Variants in GRM4 observed in about 807,000 individuals in gnomAD.
The protein encoded by GRM4 is glutamate metabotropic receptor 4, also known as metabotropic glutamate receptor 4.
In GRM4, 28 loss-of-function variants were observed where a neutral mutation model predicts 81.7. That is an observed-to-expected ratio of 0.34 (90% confidence interval 0.25 to 0.47). The LOEUF (loss-of-function observed/expected upper bound fraction) is 0.47, where lower values mean the gene tolerates loss of function less well. Ranked by LOEUF, GRM4 falls within the 20% of genes least tolerant of loss-of-function variation. The pLI is 1.00. For synonymous variants in GRM4, 488 were observed against 528.8 expected, an observed-to-expected ratio of 0.92 and a Z score of 1.06; for missense variants, 948 against 1,290.0, an observed-to-expected ratio of 0.73 and a Z score of 4.06.
chr6:34,055,987 G>A (rs73747255), intron 6 of GRM4: 1 of 152,302 alleles, frequency 6.6e-6, no homozygotes, highest in Non-Finnish European at 1.5e-5. Context: ...TGTCTGTTTT[G>A]TTTCTTCTGC....
chr6:34,098,004 C>G (rs187531363), intron 2 of GRM4, among the ~76,000 whole-genome samples: 10 of 152,324 alleles, frequency 6.6e-5, no homozygotes, highest in Admixed American at 6.5e-4. Context: ...TGTCCAGCAC[C>G]CATCGGAGCC....
chr6:34,033,218 C>A (rs1201239500), intron 9 of GRM4, among the ~76,000 whole-genome samples: 1 of 152,214 alleles, frequency 6.6e-6, no homozygotes, highest in South Asian at 2.1e-4. Context: ...CCTGCTGAAG[C>A]AGACCCAGTC....
At chr6:34,023,606 C>T (rs559259453) in intron 10 of GRM4, among the ~76,000 whole-genome samples, 17 of 152,132 alleles carry the variant, frequency 1.1e-4, no homozygotes, top group Non-Finnish European at 2.1e-4. Flanking sequence ...GTCTTGAGCC[C>T]CCCTTTTCTG....
chr6:34,057,507 GA>G (rs757141795), intron 5 of GRM4, among the ~76,000 whole-genome samples: 4 of 152,202 alleles, frequency 2.6e-5, no homozygotes, highest in Non-Finnish European at 5.9e-5. Flanking sequence ...CTCTGGGCGG[GA>G]TAATTCCTGT....
chr6:34,028,002 C>T, intron 10 of GRM4, 118 bp downstream of exon 10: 5 of 1,183,842 alleles, frequency 4.2e-6, no homozygotes, highest in Non-Finnish European at 5.8e-6. Flanking sequence ...CCCCCGCCGC[C>T]TCCCCAGGAT....
intron 5 of GRM4, among the ~76,000 whole-genome samples, chr6:34,058,028 G>A (rs559047599): frequency 2.6e-5 from 4 of 152,176 alleles, no homozygotes; most frequent in African/African-American, 9.7e-5. Context: ...AGCCAGGAAG[G>A]CATGAGTCTG....
chr6:34,072,934 TCAC>T (rs1767041133), intron 3 of GRM4, among the ~76,000 whole-genome samples: 1 of 58,480 alleles, frequency 1.7e-5, no homozygotes, highest in Admixed American at 2.1e-4. Flanking sequence ...ATACACACAA[TCAC>T]CACACAGATA....
intron 2 of GRM4, among the ~76,000 whole-genome samples, chr6:34,094,347 A>T (rs74315608): frequency 1.5e-4 from 23 of 152,162 alleles, no homozygotes; most frequent in African/African-American, 5.5e-4. Flanking sequence ...AGCAAACCAC[A>T]CTCGACTATA....
rs1335774627 is a variant in GRM4 at position 34,059,386 on chromosome 6, C to G, written c.873-258G>C. ...CCTGCTGCAGGCCCAGCGTGATTCT[C>G]CAGGCCTACATCTGTCCCTGCAAAG... On this transcript the variant is annotated intron_variant, in intron 4 of 10. Transcript: ENST00000538487. This position sits in a 1 kb window ranked among gnomAD's most constrained non-coding sequence, Gnocchi z 5.7. 1.9e-5 allele frequency: 10 copies of G among 533,938 alleles called. No individual in the cohort carries two copies. The highest frequency in any genetic ancestry group is 3.4e-5 in the Non-Finnish European group (10 of 293,926). 33.1% of individuals were successfully genotyped at this position (533,938 alleles called of 1,614,324 possible). A position where few individuals can be genotyped will look rare whatever the true frequency, so the allele number is the denominator to read the frequency against.
In GRM4 at chr6:34,078,011, T is replaced by C. The variant is rs1767404745; in HGVS notation, c.736+13872A>G. Among the ~76,000 whole-genome samples, 1 of 152,176 alleles carries C rather than the reference T, an allele frequency of 6.6e-6. No individual in the cohort carries two copies. Among genetic ancestry groups the C allele is most frequent in the South Asian group, 2.1e-4 (1 of 4,828 alleles). ...GCACAGAGCAGTCACTGTCACTGAC[T>C]CAGCAACCTCCAGTGCCAGGAGCTG... On this transcript the variant is annotated intron_variant, in intron 3 of 10. Coordinates refer to ENST00000538487, the MANE Select transcript of GRM4 (RefSeq NM_000841.4). The surrounding 1 kb of genome is among the most constrained non-coding windows in gnomAD (Gnocchi z 4.8).
At chr6:34,147,445 G>C (rs537654248), upstream of GRM4, among the ~76,000 whole-genome samples, 2 of 152,338 alleles carry the variant, frequency 1.3e-5, no homozygotes, top group South Asian at 2.1e-4. Flanking sequence ...TATTCCTGGA[G>C]AGGCAGTGTT....
Position 34,042,685 on chromosome 6 carries a change from C to A in GRM4, c.1169-1937G>T, listed in dbSNP as rs1765072847. On this transcript the variant is annotated intron_variant, in intron 6 of 10. Transcript: ENST00000538487. This position sits in a 1 kb window ranked among gnomAD's most constrained non-coding sequence, Gnocchi z 4.2. ...CACACCTGCACCTGTGTCCTGCCCC[C>A]ATAGGCCAGGGTTAAGCTGGGTCCA... Among the ~76,000 whole-genome samples, 1 of 152,200 alleles carries A rather than the reference C, an allele frequency of 6.6e-6. No individual in the cohort carries two copies. The highest frequency in any genetic ancestry group is 2.4e-5 in the African/African-American group (1 of 41,440).
intron 3 of GRM4, among the ~76,000 whole-genome samples, chr6:34,073,522 A>G (rs1767147555): frequency 6.6e-6 from 1 of 151,908 alleles, no homozygotes; most frequent in South Asian, 2.1e-4. Context: ...CCACACACAG[A>G]GTCACAAATA....
At position 34,044,119 on chromosome 6, in the gene GRM4, GACAC is replaced by G. The variant is rs71678350; in HGVS notation, c.1169-3375_1169-3372del. Among the ~76,000 whole-genome samples the G allele has an allele frequency of 5.0e-3, 692 of 139,584 alleles. 4 individuals are homozygous for G. The highest frequency in any genetic ancestry group is 0.02 in the Middle Eastern group (5 of 248). 91.6% of individuals were successfully genotyped at this position (139,584 alleles called of 152,430 possible). A position where few individuals can be genotyped will look rare whatever the true frequency, so the allele number is the denominator to read the frequency against. ...AGACATACATACACATATATACACA[GACAC>G]ACACACACACATATACATACATACA... On this transcript the variant is annotated intron_variant, in intron 6 of 10. Coordinates refer to ENST00000538487, the MANE Select transcript of GRM4 (RefSeq NM_000841.4).
At chr6:34,026,365 G>T (rs1011228273) in intron 10 of GRM4, among the ~76,000 whole-genome samples, 3 of 152,088 alleles carry the variant, frequency 2.0e-5, no homozygotes, top group Non-Finnish European at 4.4e-5. Context: ...GGTGCTGGTT[G>T]CTGCCCTTCA....
chr6:34,081,380 G>A (rs1767585075), intron 3 of GRM4, among the ~76,000 whole-genome samples: 1 of 152,232 alleles, frequency 6.6e-6, no homozygotes, highest in Admixed American at 6.5e-5. Flanking sequence ...AGTCTCAGGG[G>A]TCTGTACACA....
intron 9 of GRM4, among the ~76,000 whole-genome samples, chr6:34,032,420 C>CAGCT (rs1764482500): frequency 6.6e-6 from 1 of 152,242 alleles, no homozygotes. Context: ...GGGCATCTTG[C>CAGCT]AGCTCGGCAT....
At chr6:34,126,370 T>C (rs1022047860) in intron 2 of GRM4, among the ~76,000 whole-genome samples, 2 of 152,168 alleles carry the variant, frequency 1.3e-5, no homozygotes, top group Non-Finnish European at 1.5e-5. Context: ...GTTCCAATTA[T>C]TTCACCTCAG....
In GRM4 at chr6:34,028,346, C is replaced by T. The variant is rs1288904481; in HGVS notation, c.2463G>A (p.Thr821=). The change falls in exon 10 of 11, where the codon ACG becomes ACA. Residue 821 remains threonine (T), a synonymous_variant. Coordinates refer to ENST00000538487, the MANE Select transcript of GRM4 (RefSeq NM_000841.4). ...SADKLYIQTT[T]LTVSVSLSAS... Reference sequence around the variant, plus strand: ...CGCTCAGACTCACCGAGACCGTCAGCGTCGTCGTCTGGATGTACAGCTGGC... The same window carrying T: ...CGCTCAGACTCACCGAGACCGTCAGTGTCGTCGTCTGGATGTACAGCTGGC... 1.2e-6 allele frequency: 2 copies of T among 1,610,978 alleles called. No homozygotes were observed. Among genetic ancestry groups the T allele is most frequent in the Non-Finnish European group, 1.7e-6 (2 of 1,179,900 alleles).
Sources: allele counts gnomAD v4.1 joint callset (sites outside exome capture counted in the v4.1 genomes callset), GRCh38; gene constraint gnomAD v4.1.1; non-coding constraint Gnocchi (gnomAD v3.1); transcripts MANE v1.5; gene names NCBI Gene and HGNC (gene_info 2026-07-23, HGNC 2026-07-21).